The following FAM186A variants were observed in gnomAD, a reference collection of about 807,000 sequenced individuals.
The protein encoded by FAM186A is family with sequence similarity 186 member A.
In FAM186A, 163 loss-of-function variants were observed where a neutral mutation model predicts 216.8. The ratio of observed to expected loss-of-function variants is 0.75; its 90% CI spans 0.66 to 0.86. The LOEUF is 0.86. Among genes scored for constraint, FAM186A ranks in the 40% least tolerant of loss-of-function variants. The pLI is 0.00. For missense variants in FAM186A, 2,184 were observed against 2,746.2 expected (o/e 0.80, Z 4.58); for synonymous variants, 805 against 1,025.3 (o/e 0.79, Z 4.10).
intron 1 of FAM186A, among the ~76,000 whole-genome samples, chr12:50,386,244 C>T (rs1001192604): frequency 2.1e-5 from 3 of 146,024 alleles, no homozygotes; most frequent in African/African-American, 8.2e-5. Context: ...GCCTGGCCAA[C>T]ATGGCGAAAC....
Position 50,354,296 on chromosome 12 carries a change from C to A in FAM186A, c.2536G>T (p.Glu846Ter). The change falls in exon 4 of 8, where the codon GAA becomes TAA. Residue 846 changes from glutamate (E) to a stop codon, truncating the protein, a stop_gained. Coordinates refer to ENST00000327337, the MANE Select transcript of FAM186A (RefSeq NM_001145475.3). LOFTEE classifies it high-confidence loss of function. ...GMSLKQQLLG[E>*]RNLLKEHYEK... ...TAGTGCTCCTTCAAGAGATTTCTTT[C>A]TCCCAGCAACTGCTGTTTGAGACTC... is the stretch of plus-strand genomic sequence containing the variant. 1 of 1,551,660 alleles carries A rather than the reference C, an allele frequency of 6.4e-7. No individual in the cohort carries two copies. Among genetic ancestry groups the A allele is most frequent in the Non-Finnish European group, 8.7e-7 (1 of 1,147,000 alleles).
chr12:50,377,487 T>G (rs2136103776), intron 1 of FAM186A, among the ~76,000 whole-genome samples: 1 of 140,110 alleles, frequency 7.1e-6, no homozygotes, highest in South Asian at 2.3e-4. Flanking sequence ...AATACGAACT[T>G]GGGTTAAGGC....
intron 1 of FAM186A, among the ~76,000 whole-genome samples, chr12:50,384,676 T>C (rs937404219): frequency 1.4e-4 from 22 of 151,750 alleles, no homozygotes; most frequent in Admixed American, 7.9e-4. Context: ...TCAGCAAAGA[T>C]GCCAAAAACA....
rs113175098 is a variant in FAM186A, at chr12:50,366,938, T to A, written c.193-3574A>T. Among the ~76,000 whole-genome samples, 1,289 of 152,140 alleles carry A rather than the reference T, an allele frequency of 8.5e-3. 24 individuals are homozygous for A. Among genetic ancestry groups the A allele is most frequent in the African/African-American group, 0.029 (1,218 of 41,506 alleles). ...CTGAGGTGGGAGGATTACTTGAACC[T>A]GGGAGGTCAAGGCTGCAGTAAGCCA... is the stretch of plus-strand genomic sequence containing the variant. On this transcript the variant is annotated intron_variant, in intron 1 of 7. Coordinates refer to ENST00000327337, the MANE Select transcript of FAM186A (RefSeq NM_001145475.3).
chr12:50,385,404 C>CG, intron 1 of FAM186A, among the ~76,000 whole-genome samples: 1 of 116,544 alleles, frequency 8.6e-6, no homozygotes, highest in East Asian at 2.5e-4. Context: ...GGCGACAGAG[C>CG]AAGACTCTGT....
chr12:50,392,424 G>T (rs1337050927), intron 1 of FAM186A: 1 of 151,994 alleles, frequency 6.6e-6, no homozygotes, highest in African/African-American at 2.4e-5. Flanking sequence ...GACTACAGGC[G>T]CCCGCCACCA....
intron 1 of FAM186A, among the ~76,000 whole-genome samples, chr12:50,388,750 A>G (rs1216753058): frequency 1.3e-5 from 2 of 152,074 alleles, no homozygotes. Flanking sequence ...CCTAGGAAAA[A>G]TTAATTTCTT....
rs1942914676 is a variant in FAM186A at position 50,352,832 on chromosome 12, TCTGCGC to T, written c.3994_3999del (p.Ala1332_Gln1333del). The T allele has an allele frequency of 8.4e-7, 1 of 1,195,280 alleles. No homozygotes were observed. 74.0% of individuals were successfully genotyped at this position (1,195,280 alleles called of 1,614,324 possible). ...TGAGGGGTGAGAGTGATCTCCTGAGTCTGCGCCTGCTGAGGGGTGAGAGGGATCCCC... is the reference window on the plus strand; with the variant it reads ...TGAGGGGTGAGAGTGATCTCCTGAGTCTGCTGAGGGGTGAGAGGGATCCCC... On this transcript the variant is annotated inframe_deletion, in exon 4 of 8. Coordinates refer to ENST00000327337, the MANE Select transcript of FAM186A (RefSeq NM_001145475.3).
rs1268255177 is a variant in FAM186A at position 50,351,370 on chromosome 12, G to C, written c.5462C>G (p.Ser1821Cys). ...CCGAGATATTGGGAGCTGCCCAGGG[G>C]AGGGAGGGGCCTGTGGTGCCGGGAA... The part of the protein sequence containing the change: ...AQFPAPQAPP[S>C]PGQLPISRAP... The change falls in exon 4 of 8, where the codon TCC (serine) becomes TGC (cysteine). Residue 1821 changes from serine to cysteine, a missense_variant. This residue lies in a region of FAM186A where 721 missense variants were observed against 816.4 expected (regional missense o/e 0.88). Coordinates refer to ENST00000327337, the MANE Select transcript of FAM186A (RefSeq NM_001145475.3). 2.0e-6 allele frequency: 3 copies of C among 1,477,412 alleles called. No individual in the cohort carries two copies. Among genetic ancestry groups the C allele is most frequent in the Non-Finnish European group, 2.7e-6 (3 of 1,116,174 alleles). 91.5% of individuals were successfully genotyped at this position (1,477,412 alleles called of 1,614,324 possible). A position where few individuals can be genotyped will look rare whatever the true frequency, so the allele number is the denominator to read the frequency against.
rs1276420766 is a variant in FAM186A, at chr12:50,355,137, A to C, written c.1695T>G (p.Ile565Met). 6.4e-7 allele frequency: 1 copy of C among 1,551,556 alleles called. No homozygotes were observed. The highest frequency in any genetic ancestry group is 8.7e-7 in the Non-Finnish European group (1 of 1,146,960). The change falls in exon 4 of 8, where the codon ATT becomes ATG. Residue 565 changes from isoleucine to methionine, a missense_variant. Ile to Met is a conservative substitution (Grantham distance 10). Coordinates refer to ENST00000327337, the MANE Select transcript of FAM186A (RefSeq NM_001145475.3). ...ATGACTCAGTGGTGGGTTCCACTTT[A>C]ATCTCTGCTGCAGTTGGACGTTTGT... Reference protein sequence around the residue: ...PFDKRPTAAEIKVEPTTESLD... With the variant: ...PFDKRPTAAEMKVEPTTESLD...
chr12:50,384,080 T>C (rs1460665078), intron 1 of FAM186A, among the ~76,000 whole-genome samples: 1 of 151,844 alleles, frequency 6.6e-6, no homozygotes, highest in African/African-American at 2.4e-5. Context: ...ATCATACCAC[T>C]GCACTCCAAC....
In FAM186A at chr12:50,352,553, G is replaced by T; in HGVS notation, c.4279C>A (p.Gln1427Lys). The T allele has an allele frequency of 6.7e-7, 1 of 1,483,594 alleles. No homozygotes were observed. Among genetic ancestry groups the T allele is most frequent in the Admixed American group, 2.1e-5 (1 of 47,338 alleles). 91.9% of individuals were successfully genotyped at this position (1,483,594 alleles called of 1,614,324 possible). Residue 1427 changes from glutamine to lysine, a missense_variant, in exon 4 of 8, where the codon CAG becomes AAG. Physicochemically the swap from Gln to Lys is moderately conservative, Grantham distance 53. This residue lies in a region of FAM186A where 267 missense variants were observed against 446.2 expected (regional missense o/e 0.60). Transcript: ENST00000327337. Reference sequence around the variant, plus strand: ...AGAGTGATCTCCTGAGCCTGTGCCTGCTGAGGGGTGAAAGGGATCCCCAAT... The same window carrying T: ...AGAGTGATCTCCTGAGCCTGTGCCTTCTGAGGGGTGAAAGGGATCCCCAAT... ...QELGIPFTPQ[Q>K]AQAQEITLTP...
intron 4 of FAM186A, among the ~76,000 whole-genome samples, chr12:50,345,358 C>T (rs995837937): frequency 6.6e-6 from 1 of 151,984 alleles, no homozygotes; most frequent in East Asian, 1.9e-4. Flanking sequence ...GAGGTGAGAT[C>T]GTGCCACTGC....
At chr12:50,396,172 A>C in intron 1 of FAM186A, 121 bp downstream of exon 1, 1 of 922,848 alleles carries the variant, frequency 1.1e-6, no homozygotes, top group East Asian at 2.8e-5. Context: ...TTTGAAGTCA[A>C]AGCTACCCTA....
intron 2 of FAM186A, among the ~76,000 whole-genome samples, chr12:50,361,823 G>A (rs1043241565): frequency 8.0e-5 from 12 of 149,278 alleles, no homozygotes; most frequent in East Asian, 4.0e-4. Flanking sequence ...TGCCAGCCTC[G>A]GCCTCCCAAA....
chr12:50,362,017 G>C (rs1329719906), intron 2 of FAM186A, among the ~76,000 whole-genome samples: 2 of 152,074 alleles, frequency 1.3e-5, no homozygotes. Context: ...CTGTCACCCA[G>C]GCTGGAGTGC....
chr12:50,330,302 T>A (rs1942643694), intron 7 of FAM186A, among the ~76,000 whole-genome samples: 1 of 152,248 alleles, frequency 6.6e-6, no homozygotes, highest in Non-Finnish European at 1.5e-5. Context: ...AGTGGACCTA[T>A]CTAGTGTTAG....
intron 1 of FAM186A, among the ~76,000 whole-genome samples, chr12:50,385,901 C>CA (rs553073707): frequency 1.6e-3 from 191 of 122,726 alleles, no homozygotes; most frequent in Middle Eastern, 4.4e-3. Context: ...GACTCCATCT[C>CA]AAAAAAAAAA....
At chr12:50,347,920 T>C (rs1942835515) in intron 4 of FAM186A, among the ~76,000 whole-genome samples, 1 of 152,126 alleles carries the variant, frequency 6.6e-6, no homozygotes, top group Non-Finnish European at 1.5e-5. Flanking sequence ...TTGTTGTTTT[T>C]TTGAGACGAC....
Sources: gnomAD v4.1 joint callset for allele counts (sites outside exome capture counted in the v4.1 genomes callset) on GRCh38, gnomAD v4.1.1 for gene constraint, gnomAD v4.1.1 regional missense constraint, MANE v1.5 for transcripts, NCBI Gene and HGNC (gene_info 2026-07-23, HGNC 2026-07-21) for gene names.